Variants in MMP16 observed in about 807,000 individuals in gnomAD.
The protein encoded by MMP16 is matrix metalloproteinase-16.
In MMP16, 12 loss-of-function variants were observed where a neutral mutation model predicts 67.8. The observed-to-expected ratio is 0.18, with a 90% CI of 0.11 to 0.29. The LOEUF is 0.29. Ranked by LOEUF, MMP16 falls within the 10% of genes least tolerant of loss-of-function variation. MMP16 has a pLI of 1.00. For synonymous variants in MMP16, 249 were observed against 255.9 expected (o/e 0.97, Z 0.26); for missense variants, 475 against 765.7 (o/e 0.62, Z 4.48).
At position 88,037,552 on chromosome 8, in the gene MMP16, G is replaced by A. The variant is rs1016662568; in HGVS notation, c.*3909C>T. 4.0e-5 allele frequency: 6 copies of A among 151,828 alleles called. No individual in the cohort carries two copies. The highest frequency in any genetic ancestry group is 1.4e-4 in the African/African-American group (6 of 41,400). 9.4% of individuals were successfully genotyped at this position (151,828 alleles called of 1,614,324 possible). ...GTTGTCTTTGCTAGTATCACATAAT[G>A]CTGTCTAATTTAGCTCTATAACCTT... is the stretch of plus-strand genomic sequence containing the variant. On this transcript the variant is annotated 3_prime_UTR_variant, in exon 10 of 10. Coordinates refer to ENST00000286614, the MANE Select transcript of MMP16 (RefSeq NM_005941.5).
intron 1 of MMP16, among the ~76,000 whole-genome samples, chr8:88,318,355 G>A (rs954318025): frequency 3.3e-5 from 5 of 152,116 alleles, no homozygotes; most frequent in Admixed American, 2.6e-4. Context: ...ACTATACTGA[G>A]TATCACATAA....
At chr8:88,096,387 G>T (rs1301401188) in intron 6 of MMP16, among the ~76,000 whole-genome samples, 1 of 151,784 alleles carries the variant, frequency 6.6e-6, no homozygotes, top group Non-Finnish European at 1.5e-5. Context: ...AGTCTTACTT[G>T]GATACATTGG....
At chr8:88,140,973 G>C (rs1053431103) in intron 4 of MMP16, among the ~76,000 whole-genome samples, 2 of 152,096 alleles carry the variant, frequency 1.3e-5, no homozygotes, top group African/African-American at 4.8e-5. Flanking sequence ...TTGAATACTA[G>C]TCCTTCCCAG....
chr8:88,059,581 A>G (rs910209794), intron 7 of MMP16, among the ~76,000 whole-genome samples: 9 of 152,100 alleles, frequency 5.9e-5, no homozygotes, highest in African/African-American at 2.2e-4. Context: ...TATTTAATGG[A>G]TCATTACATT....
rs761916873 is a variant in MMP16, at chr8:88,118,697, T to C, written c.871+3A>G. ...TAAGCAAATTGAAACAGTAGTAACC[T>C]ACCATATATCTTCTGGATGCCCTGT... On this transcript the variant is annotated splice_donor_region_variant and intron_variant, in intron 5 of 9. Coordinates refer to ENST00000286614, the MANE Select transcript of MMP16 (RefSeq NM_005941.5). 18 of 1,612,194 alleles carry C rather than the reference T, an allele frequency of 1.1e-5. No individual in the cohort carries two copies. The Middle Eastern group carries it at 5.0e-4, about 44-fold the overall frequency.
At chr8:88,213,884 C>G (rs957514661) in intron 1 of MMP16, among the ~76,000 whole-genome samples, 1 of 152,086 alleles carries the variant, frequency 6.6e-6, no homozygotes, top group African/African-American at 2.4e-5. Flanking sequence ...CCTTCCCATC[C>G]CTCAAAAACC....
chr8:88,169,326 G>C (rs1808764030), intron 3 of MMP16, among the ~76,000 whole-genome samples: 1 of 152,052 alleles, frequency 6.6e-6, no homozygotes. Flanking sequence ...ACTAATAATA[G>C]TATTAATTGA....
At chr8:88,262,952 G>A (rs911781698) in intron 1 of MMP16, among the ~76,000 whole-genome samples, 9 of 151,186 alleles carry the variant, frequency 6.0e-5, no homozygotes, top group African/African-American at 1.9e-4. Flanking sequence ...GTGAACCCAG[G>A]AGGTGGAGCT....
intron 3 of MMP16, among the ~76,000 whole-genome samples, chr8:88,173,623 G>A (rs1290958762): frequency 6.6e-6 from 1 of 152,108 alleles, no homozygotes; most frequent in African/African-American, 2.4e-5. Flanking sequence ...AAGAATAAAA[G>A]AAGATAAACA....
chr8:88,311,251 A>G (rs954743702), intron 1 of MMP16, among the ~76,000 whole-genome samples: 1 of 152,142 alleles, frequency 6.6e-6, no homozygotes, highest in Non-Finnish European at 1.5e-5. Context: ...GTGGATTTTG[A>G]TATATCCAGG....
intron 6 of MMP16, among the ~76,000 whole-genome samples, chr8:88,097,556 G>A (rs1008245572): frequency 6.1e-5 from 9 of 148,458 alleles, no homozygotes; most frequent in South Asian, 2.1e-4. Flanking sequence ...AGCCTGGGAC[G>A]TGGAGATTGC....
chr8:88,176,943 G>A (rs1241603095), intron 3 of MMP16, among the ~76,000 whole-genome samples: 1 of 152,126 alleles, frequency 6.6e-6, no homozygotes, highest in Non-Finnish European at 1.5e-5. Flanking sequence ...GTCTTACTGG[G>A]ATTTTTGTTG....
At position 88,315,351 on chromosome 8, in the gene MMP16, C is replaced by CT; in HGVS notation, c.132+11723dup. 1.3e-5 allele frequency among the ~76,000 whole-genome samples: 2 copies of CT among 152,090 alleles called. 1 individual carries two copies. On this transcript the variant is annotated intron_variant, in intron 1 of 9. Transcript: ENST00000286614. ...GTGATCTGTGGTTAGTGTTCTTTTT[C>CT]TTTTTTTAACACCTACCAAATTTAT... is the stretch of plus-strand genomic sequence containing the variant.
At chr8:88,126,596 G>A (rs964107158) in intron 4 of MMP16, among the ~76,000 whole-genome samples, 2 of 151,884 alleles carry the variant, frequency 1.3e-5, no homozygotes, top group African/African-American at 4.8e-5. Context: ...TGGTGACTAT[G>A]TGAGATGAAC....
intron 6 of MMP16, among the ~76,000 whole-genome samples, chr8:88,094,389 T>A (rs971902265): frequency 5.3e-5 from 8 of 151,822 alleles, no homozygotes; most frequent in African/African-American, 1.9e-4. Flanking sequence ...GATTAACTAG[T>A]GATATTGTTC....
chr8:88,053,322 A>C (rs990503765), intron 8 of MMP16, among the ~76,000 whole-genome samples: 5 of 152,184 alleles, frequency 3.3e-5, no homozygotes, highest in Non-Finnish European at 7.3e-5. Context: ...CTAGTAGATT[A>C]TTTTAAGTGA....
chr8:88,156,547 T>C (rs949468964), intron 4 of MMP16, among the ~76,000 whole-genome samples: 1 of 152,160 alleles, frequency 6.6e-6, no homozygotes, highest in African/African-American at 2.4e-5. Context: ...TTGTTTACAT[T>C]GTAAGAAATT....
At chr8:88,260,304 T>C (rs1044677317) in intron 1 of MMP16, among the ~76,000 whole-genome samples, 2 of 152,184 alleles carry the variant, frequency 1.3e-5, no homozygotes, top group Non-Finnish European at 2.9e-5. Flanking sequence ...TTTTTGTTTT[T>C]ATTTTTGTTT....
intron 1 of MMP16, among the ~76,000 whole-genome samples, chr8:88,324,271 A>T (rs1213081238): frequency 6.6e-6 from 1 of 152,138 alleles, no homozygotes; most frequent in Non-Finnish European, 1.5e-5. Flanking sequence ...TCACCATATT[A>T]AAAATATCTC....
Sources: gnomAD v4.1 joint callset for allele counts (sites outside exome capture counted in the v4.1 genomes callset) on GRCh38, gnomAD v4.1.1 for gene constraint, MANE v1.5 for transcripts, NCBI Gene and HGNC (gene_info 2026-07-23, HGNC 2026-07-21) for gene names.